DLGAP2: variants seen among roughly 807,000 people sequenced by gnomAD.
DLGAP2 encodes the protein disks large-associated protein 2.
In DLGAP2, 26 loss-of-function variants were observed where a neutral mutation model predicts 100.3. The ratio of observed to expected loss-of-function variants is 0.26; its 90% CI spans 0.19 to 0.36. DLGAP2 has a LOEUF of 0.36. Among genes scored for constraint, DLGAP2 ranks in the 10% least tolerant of loss-of-function variants. The pLI, the probability that DLGAP2 is intolerant of heterozygous loss-of-function variation, is 1.00. For missense variants in DLGAP2, 1,858 were observed against 1,453.2 expected (o/e 1.28, Z -4.53); for synonymous variants, 886 against 630.1 (o/e 1.41, Z -6.08).
chr8:1,501,766 C>T (rs1005347104), intron 4 of DLGAP2, among the ~76,000 whole-genome samples: 1 of 152,162 alleles, frequency 6.6e-6, no homozygotes, highest in African/African-American at 2.4e-5. Context: ...CAGGGTGTTC[C>T]CGCATTTGCA....
intron 2 of DLGAP2, among the ~76,000 whole-genome samples, chr8:1,228,636 C>T (rs1050223151): frequency 6.6e-6 from 1 of 152,154 alleles, no homozygotes; most frequent in African/African-American, 2.4e-5. Flanking sequence ...GTTTTGACAT[C>T]TGCAAATCAA....
chr8:1,171,132 G>C (rs1258381562), intron 2 of DLGAP2, among the ~76,000 whole-genome samples: 1 of 152,072 alleles, frequency 6.6e-6, no homozygotes. Flanking sequence ...CCTTCATTTC[G>C]TTATGTACCC....
intron 2 of DLGAP2, among the ~76,000 whole-genome samples, chr8:964,973 G>C (rs977030343): frequency 1.3e-5 from 2 of 151,906 alleles, no homozygotes; most frequent in East Asian, 3.9e-4. Context: ...CCCAACCCCC[G>C]CGTGCACACG....
At chr8:1,529,702 T>C (rs916003636) in intron 4 of DLGAP2, among the ~76,000 whole-genome samples, 1 of 152,230 alleles carries the variant, frequency 6.6e-6, no homozygotes, top group African/African-American at 2.4e-5. Context: ...ATAATTACTC[T>C]TTGAACAGAC....
intron 2 of DLGAP2, among the ~76,000 whole-genome samples, chr8:1,174,481 C>CCATT: frequency 6.7e-6 from 1 of 148,396 alleles, no homozygotes; most frequent in Admixed American, 6.6e-5. Context: ...CCATTACCAT[C>CCATT]ATCATCATCA....
At chr8:928,593 A>G (rs1300131699) in intron 2 of DLGAP2, among the ~76,000 whole-genome samples, 2 of 152,078 alleles carry the variant, frequency 1.3e-5, no homozygotes, top group Non-Finnish European at 2.9e-5. Flanking sequence ...AGAAGACAGC[A>G]TAAGGTTTTT....
chr8:1,196,332 C>T (rs17065797), intron 2 of DLGAP2, among the ~76,000 whole-genome samples: 7,149 of 152,300 alleles, frequency 0.047, 242 homozygotes, highest in East Asian at 0.1. Context: ...CCATGAAATT[C>T]TCCTGTTTGG....
chr8:985,162 T>C (rs1477638965), intron 2 of DLGAP2, among the ~76,000 whole-genome samples: 2 of 152,208 alleles, frequency 1.3e-5, no homozygotes, highest in African/African-American at 2.4e-5. Flanking sequence ...AGCATGGTTG[T>C]GTGCAGGTTA....
At chr8:767,680 G>T (rs1310804811) in intron 1 of DLGAP2, among the ~76,000 whole-genome samples, 1 of 152,118 alleles carries the variant, frequency 6.6e-6, no homozygotes, top group East Asian at 1.9e-4. Flanking sequence ...TAAGGTACAA[G>T]GAGTTTGTGC....
intron 3 of DLGAP2, among the ~76,000 whole-genome samples, chr8:1,483,612 GAACTGCTGTGCAGGAGGCTCA>G (rs1563175897): frequency 5.4e-5 from 8 of 148,580 alleles, no homozygotes; most frequent in East Asian, 2.0e-4. Context: ...AGGGAAGGCT[GAACTGCTGTGCAGGAGGCTCA>G]GGGAGCAGGA....
intron 2 of DLGAP2, among the ~76,000 whole-genome samples, chr8:1,128,451 T>C (rs1235802308): frequency 6.6e-6 from 1 of 152,246 alleles, no homozygotes; most frequent in Non-Finnish European, 1.5e-5. Context: ...TATGTTTAGC[T>C]GGGCTTAGAT....
At chr8:1,634,255 G>A (rs111720930) in intron 8 of DLGAP2, among the ~76,000 whole-genome samples, 2,175 of 152,290 alleles carry the variant, frequency 0.014, 57 homozygotes, top group African/African-American at 0.05. Flanking sequence ...AAAGAAAGCT[G>A]TGGATCCTCG....
chr8:1,481,290 T>C (rs1166020327), intron 3 of DLGAP2, among the ~76,000 whole-genome samples: 2 of 152,106 alleles, frequency 1.3e-5, no homozygotes, highest in Non-Finnish European at 2.9e-5. Flanking sequence ...TACAAGGCCA[T>C]TAAAACAAAC....
intron 4 of DLGAP2, among the ~76,000 whole-genome samples, chr8:1,534,336 A>C (rs1183517979): frequency 1.3e-5 from 2 of 152,230 alleles, no homozygotes; most frequent in Non-Finnish European, 2.9e-5. Flanking sequence ...TTAGGTTTAC[A>C]ACTGATAGCA....
At chr8:931,811 T>G (rs1394469120) in intron 2 of DLGAP2, among the ~76,000 whole-genome samples, 2 of 152,190 alleles carry the variant, frequency 1.3e-5, no homozygotes, top group African/African-American at 4.8e-5. Flanking sequence ...ATGACATCCT[T>G]GATCTTCATT....
chr8:1,206,821 G>C (rs1226069401), intron 2 of DLGAP2, among the ~76,000 whole-genome samples: 1 of 152,158 alleles, frequency 6.6e-6, no homozygotes, highest in Non-Finnish European at 1.5e-5. Context: ...GGCTCCACGG[G>C]CCCCTCTTCT....
chr8:1,444,189 G>T (rs780460162), intron 3 of DLGAP2, among the ~76,000 whole-genome samples: 1 of 152,024 alleles, frequency 6.6e-6, no homozygotes, highest in African/African-American at 2.4e-5. Flanking sequence ...GGCCTCAAGC[G>T]ATCCTGTTGC....
chr8:1,300,916 C>G (rs1361788396), intron 3 of DLGAP2: 2 of 152,274 alleles, frequency 1.3e-5, no homozygotes, highest in Non-Finnish European at 2.9e-5. Context: ...ACCCTACAGC[C>G]TGCTGCATGA....
chr8:1,280,152 T>C (rs769044783), intron 3 of DLGAP2, among the ~76,000 whole-genome samples: 29 of 152,302 alleles, frequency 1.9e-4, no homozygotes, highest in South Asian at 2.1e-4. Context: ...ATAATTCCTT[T>C]CATTCATTCC....
Sources: gnomAD v4.1 joint callset for allele counts (sites outside exome capture counted in the v4.1 genomes callset) on GRCh38, gnomAD v4.1.1 for gene constraint, MANE v1.5 for transcripts, NCBI Gene and HGNC (gene_info 2026-07-23, HGNC 2026-07-21) for gene names.